The following NCOA2 variants were observed in gnomAD, a reference collection of about 807,000 sequenced individuals.
The protein encoded by NCOA2 is class E basic helix-loop-helix protein 75.
NCOA2 carries 21 observed loss-of-function variants against 145.1 expected under a neutral mutation model. The observed-to-expected ratio is 0.14, with a 90% CI of 0.10 to 0.21. NCOA2 has a LOEUF of 0.21. NCOA2 is among the 10% of genes least tolerant of loss of function. The pLI is 1.00. For missense variants in NCOA2, 1,472 were observed against 1,837.6 expected, an observed-to-expected ratio of 0.80 and a Z score of 3.64; for synonymous variants, 619 against 637.5, an observed-to-expected ratio of 0.97 and a Z score of 0.44.
chr8:70,321,793 CTTTT>C lies in NCOA2; in HGVS notation c.-76-24997_-76-24994del, dbSNP rs559680322. The stretch of plus-strand genomic sequence containing the variant: ...TGCTTTCCTAAGTTTCAGAATATAC[CTTTT>C]TTTTTTTTTTTTTTTTTTTTTTTTG... On this transcript the variant is annotated intron_variant, in intron 1 of 22. Transcript: ENST00000452400. Among the ~76,000 whole-genome samples, 25 of 73,566 alleles carry C rather than the reference CTTTT, an allele frequency of 3.4e-4. No individual in the cohort carries two copies. The East Asian group carries it at 6.6e-3, about 20-fold the overall frequency. The allele number at this position is 73,566 out of a possible 152,430, so 48.3% of individuals were successfully genotyped here.
At position 70,314,180 on chromosome 8, in the gene NCOA2, C is replaced by CAAAAAAAA. The variant is rs61028027; in HGVS notation, c.-76-17388_-76-17381dup. ...GGGCGACAGAGCAAGACTCTGACTC[C>CAAAAAAAA]AAAAAAAAAAAAAAAAAAAAAAAAA... On this transcript the variant is annotated intron_variant, in intron 1 of 22. Transcript: ENST00000452400. 2.0e-3 allele frequency among the ~76,000 whole-genome samples: 35 copies of CAAAAAAAA among 17,202 alleles called. 6 individuals are homozygous for CAAAAAAAA. Among genetic ancestry groups the CAAAAAAAA allele is most frequent in the African/African-American group, 3.6e-3 (32 of 8,958 alleles). 11.3% of individuals were successfully genotyped at this position (17,202 alleles called of 152,430 possible).
chr8:70,167,297 A>G (rs554635856), intron 6 of NCOA2, among the ~76,000 whole-genome samples: 21 of 152,312 alleles, frequency 1.4e-4, no homozygotes, highest in African/African-American at 4.8e-4. Context: ...GACTCTCACT[A>G]ACCAGCTCCA....
intron 15 of NCOA2, among the ~76,000 whole-genome samples, chr8:70,133,602 T>C (rs1809406790): frequency 6.6e-6 from 1 of 152,192 alleles, no homozygotes; most frequent in Non-Finnish European, 1.5e-5. Context: ...TTACCAAAAG[T>C]CTATTTTGTA....
chr8:70,208,956 G>T (rs1818743945), intron 4 of NCOA2, among the ~76,000 whole-genome samples: 1 of 152,244 alleles, frequency 6.6e-6, no homozygotes, highest in African/African-American at 2.4e-5. Flanking sequence ...AATACACTTT[G>T]TAAGGGTGTA....
At chr8:70,273,976 T>C in intron 2 of NCOA2, 1 of 359,828 alleles carries the variant, frequency 2.8e-6, no homozygotes, top group Non-Finnish European at 5.4e-6. Flanking sequence ...TCTCTAATAT[T>C]TTTAAGCTCA....
chr8:70,376,432 G>A (rs1265072527), intron 1 of NCOA2, among the ~76,000 whole-genome samples: 1 of 152,034 alleles, frequency 6.6e-6, no homozygotes, highest in Non-Finnish European at 1.5e-5. Flanking sequence ...CCTAAACTCT[G>A]TGCAATACAG....
At chr8:70,434,990 A>C in the NCOA2 span, among the ~76,000 whole-genome samples, 1 of 152,006 alleles carries the variant, frequency 6.6e-6, no homozygotes, top group Non-Finnish European at 1.5e-5. Context: ...TTCTTAACCA[A>C]TCTCTCCTTC....
At chr8:70,114,037 C>T (rs1806810681) in intron 22 of NCOA2, among the ~76,000 whole-genome samples, 2 of 152,200 alleles carry the variant, frequency 1.3e-5, no homozygotes, top group East Asian at 3.8e-4. Context: ...CAGAAGGGGC[C>T]ACTGCTTCCT....
At chr8:70,413,161 T>G in the NCOA2 span, among the ~76,000 whole-genome samples, 1 of 151,688 alleles carries the variant, frequency 6.6e-6, no homozygotes, top group African/African-American at 2.4e-5. Flanking sequence ...GGTATCTGAA[T>G]GCATAATCAA....
the NCOA2 span, among the ~76,000 whole-genome samples, chr8:70,446,188 T>C: frequency 2.6e-5 from 4 of 152,226 alleles, no homozygotes; most frequent in African/African-American, 7.2e-5. Context: ...CTGCTCCTCA[T>C]GCCCAAAGCG....
intron 2 of NCOA2, among the ~76,000 whole-genome samples, chr8:70,281,131 A>C (rs972389113): frequency 6.6e-6 from 1 of 152,064 alleles, no homozygotes; most frequent in Non-Finnish European, 1.5e-5. Context: ...AGGTGGGTGG[A>C]TCACTTGAAG....
intron 2 of NCOA2, among the ~76,000 whole-genome samples, chr8:70,288,563 A>G (rs1285637193): frequency 3.9e-5 from 6 of 152,062 alleles, no homozygotes; most frequent in Non-Finnish European, 8.8e-5. Flanking sequence ...CCTGGGCAAC[A>G]GAGCGAAACC....
chr8:70,450,570 ATTCT>A, the NCOA2 span, among the ~76,000 whole-genome samples: 2 of 61,136 alleles, frequency 3.3e-5, no homozygotes. Context: ...ACTTCTTTTT[ATTCT>A]TTTTTTTTTT....
Position 70,159,242 on chromosome 8 carries a change from A to ATTTTTT in NCOA2, c.1124+257_1124+262dup, listed in dbSNP as rs763150293. 6.5e-5 allele frequency among the ~76,000 whole-genome samples: 4 copies of ATTTTTT among 61,078 alleles called. 1 individual carries two copies. The highest frequency in any genetic ancestry group is 8.3e-3 in the Middle Eastern group (1 of 120). The allele number at this position is 61,078 out of a possible 152,430, so 40.1% of individuals were successfully genotyped here. On this transcript the variant is annotated intron_variant, in intron 10 of 22. Transcript: ENST00000452400. ...TAACATTATATATATATATATATAT[A>ATTTTTT]TTTTTTTTTTTTTCCCCCAAATATT...
At chr8:70,158,494 C>CA (rs1490169090) in intron 10 of NCOA2, among the ~76,000 whole-genome samples, 1 of 152,060 alleles carries the variant, frequency 6.6e-6, no homozygotes, top group African/African-American at 2.4e-5. Context: ...AACCAGAGAA[C>CA]AAAAATCTAA....
chr8:70,292,801 G>A (rs1337841295), intron 2 of NCOA2, among the ~76,000 whole-genome samples: 2 of 152,154 alleles, frequency 1.3e-5, no homozygotes, highest in Admixed American at 1.3e-4. Context: ...AAGCTAACCG[G>A]TTCACACTAA....
intron 1 of NCOA2, among the ~76,000 whole-genome samples, chr8:70,362,704 G>C (rs546867999): frequency 1.3e-5 from 2 of 152,268 alleles, no homozygotes; most frequent in South Asian, 4.2e-4. Flanking sequence ...ACTGCTGGTG[G>C]GAATGCACAA....
chr8:70,142,953 T>G (rs900944576), intron 13 of NCOA2, among the ~76,000 whole-genome samples: 1 of 151,136 alleles, frequency 6.6e-6, no homozygotes, highest in Admixed American at 6.6e-5. Flanking sequence ...TTGTTTTTTT[T>G]GTTTTTTTTT....
Position 70,156,566 on chromosome 8 carries a change from G to A in NCOA2, c.1799C>T (p.Ala600Val). ...GEPSEGTTGQ[A>V]ESSCHPGEQK... The stretch of plus-strand genomic sequence containing the variant: ...CTCTCCAGGATGGCAGCTGCTCTCT[G>A]CTTGTCCAGTTGTACCTTCAGAGGG... Residue 600 changes from alanine (A) to valine (V), a missense_variant, in exon 11 of 23, where the codon GCA (alanine) becomes GTA (valine). This residue lies in a region of NCOA2 where 953 missense variants were observed against 1,062.1 expected (regional missense o/e 0.90). Coordinates refer to ENST00000452400, the MANE Select transcript of NCOA2 (RefSeq NM_006540.4). The A allele has an allele frequency of 6.2e-7, 1 of 1,613,912 alleles. No homozygotes were observed. The highest frequency in any genetic ancestry group is 2.2e-5 in the East Asian group (1 of 44,864).
Sources: allele counts gnomAD v4.1 joint callset (sites outside exome capture counted in the v4.1 genomes callset), GRCh38; gene constraint gnomAD v4.1.1; regional missense constraint gnomAD v4.1.1; transcripts MANE v1.5; gene names NCBI Gene and HGNC (gene_info 2026-07-23, HGNC 2026-07-21).